Variants in ADAMTS6 observed in about 807,000 individuals in gnomAD.
The protein encoded by ADAMTS6 is A disintegrin and metalloproteinase with thrombospondin motifs 6.
ADAMTS6 carries 23 observed loss-of-function variants against 144.3 expected under a neutral mutation model. The ratio of observed to expected loss-of-function variants is 0.16; its 90% CI spans 0.11 to 0.23. The LOEUF is 0.23. Ranked by LOEUF, ADAMTS6 falls within the 10% of genes least tolerant of loss-of-function variation. ADAMTS6 has a pLI of 1.00. For synonymous variants in ADAMTS6, 444 were observed against 457.5 expected (o/e 0.97, Z 0.38); for missense variants, 999 against 1,379.6 (o/e 0.72, Z 4.37).
intron 7 of ADAMTS6, among the ~76,000 whole-genome samples, chr5:65,339,395 G>C (rs112418725): frequency 0.024 from 3,554 of 151,034 alleles, 72 homozygotes; most frequent in South Asian, 0.036. Flanking sequence ...AATTAGAAGA[G>C]GTAGCTTTTC....
intron 7 of ADAMTS6, among the ~76,000 whole-genome samples, chr5:65,340,246 T>A (rs968457864): frequency 5.3e-5 from 8 of 150,896 alleles, no homozygotes; most frequent in East Asian, 1.9e-4. Flanking sequence ...AAAAAAAAAA[T>A]ATGCCACCAA....
chr5:65,379,334 T>C (rs6870658), intron 7 of ADAMTS6, among the ~76,000 whole-genome samples: 4,822 of 152,282 alleles, frequency 0.032, 245 homozygotes, highest in African/African-American at 0.11. Flanking sequence ...CTTTGCTCCA[T>C]TTTTATAGTA....
intron 9 of ADAMTS6, among the ~76,000 whole-genome samples, chr5:65,304,481 G>A (rs1395232839): frequency 6.6e-6 from 1 of 152,176 alleles, no homozygotes; most frequent in Non-Finnish European, 1.5e-5. Context: ...CACCAAGGCT[G>A]GAGTGCAGTG....
rs527786911 is a variant in ADAMTS6 at position 65,403,620 on chromosome 5, G to A, written c.1073+47855C>T. Among the ~76,000 whole-genome samples the A allele has an allele frequency of 1.1e-4, 17 of 151,908 alleles. No homozygotes were observed. In the East Asian group the frequency reaches 3.3e-3, roughly 29 times the overall value. On this transcript the variant is annotated intron_variant, in intron 7 of 24. Transcript: ENST00000381055. ...ACAATAAATTTTGAAAAATCTGTTG[G>A]CATTCTATTCCAAGTACATATTTAG...
chr5:65,411,081 TC>T (rs1025408709), intron 7 of ADAMTS6, among the ~76,000 whole-genome samples: 2 of 152,122 alleles, frequency 1.3e-5, no homozygotes, highest in African/African-American at 4.8e-5. Flanking sequence ...CAAGTGATCC[TC>T]CCACCTCAGC....
intron 22 of ADAMTS6, among the ~76,000 whole-genome samples, chr5:65,173,254 C>T (rs1307044337): frequency 6.6e-6 from 1 of 152,156 alleles, no homozygotes; most frequent in African/African-American, 2.4e-5. Context: ...TTTTCTTGCT[C>T]TATTGGGGAT....
chr5:65,287,820 G>A (rs1221790598), intron 11 of ADAMTS6, among the ~76,000 whole-genome samples: 3 of 152,022 alleles, frequency 2.0e-5, no homozygotes, highest in East Asian at 3.9e-4. Flanking sequence ...GTGAGCCACC[G>A]TGCCTGGCCA....
rs144385011 is a variant in ADAMTS6, at chr5:65,435,805, T to C, written c.1073+15670A>G. On this transcript the variant is annotated intron_variant, in intron 7 of 24. Coordinates refer to ENST00000381055, the MANE Select transcript of ADAMTS6 (RefSeq NM_197941.4). ...CACCGTACACTAATTTTTGTATTTT[T>C]AGCAGAGATGGGATTTCACCATATT... Among the ~76,000 whole-genome samples, 1,042 of 152,098 alleles carry C rather than the reference T, an allele frequency of 6.9e-3. 6 individuals are homozygous for C. Among genetic ancestry groups the C allele is most frequent in the African/African-American group, 0.022 (924 of 41,480 alleles).
intron 24 of ADAMTS6, among the ~76,000 whole-genome samples, chr5:65,156,509 C>G (rs1333882799): frequency 1.3e-5 from 2 of 152,122 alleles, no homozygotes; most frequent in African/African-American, 4.8e-5. Flanking sequence ...TGATTTCTAG[C>G]TGATACTTAA....
chr5:65,439,766 T>G (rs940007207), intron 7 of ADAMTS6, among the ~76,000 whole-genome samples: 23 of 152,184 alleles, frequency 1.5e-4, no homozygotes, highest in Admixed American at 1.4e-3. Context: ...TATCTTGATT[T>G]TGACAACTGT....
At chr5:65,233,198 A>C (rs756892098) in intron 15 of ADAMTS6, among the ~76,000 whole-genome samples, 34 of 152,058 alleles carry the variant, frequency 2.2e-4, no homozygotes, top group Non-Finnish European at 3.7e-4. Context: ...CAACACAATA[A>C]ATGTCCCATA....
intron 7 of ADAMTS6, among the ~76,000 whole-genome samples, chr5:65,392,402 G>C (rs1358185739): frequency 6.6e-6 from 1 of 151,942 alleles, no homozygotes; most frequent in East Asian, 1.9e-4. Context: ...TCAACTCCAG[G>C]TCTCTCTATA....
intron 7 of ADAMTS6, among the ~76,000 whole-genome samples, chr5:65,389,846 T>C (rs1296528980): frequency 6.6e-6 from 1 of 152,224 alleles, no homozygotes; most frequent in African/African-American, 2.4e-5. Context: ...TAGCAATTAC[T>C]GCTTATGCAA....
chr5:65,231,727 G>A (rs1156663111), intron 15 of ADAMTS6, among the ~76,000 whole-genome samples: 2 of 152,078 alleles, frequency 1.3e-5, no homozygotes, highest in African/African-American at 2.4e-5. Flanking sequence ...AAGAAAACTG[G>A]AAAATTCACA....
intron 9 of ADAMTS6, among the ~76,000 whole-genome samples, chr5:65,319,153 C>T (rs1047803921): frequency 3.3e-5 from 5 of 151,932 alleles, no homozygotes; most frequent in African/African-American, 1.2e-4. Context: ...GAAGAAATCA[C>T]ACACGAAAAA....
In ADAMTS6 at chr5:65,151,358, A is replaced by C. The variant is rs1752131083; in HGVS notation, c.*478T>G. 1.3e-5 allele frequency: 2 copies of C among 153,436 alleles called. No individual in the cohort carries two copies. The highest frequency in any genetic ancestry group is 1.3e-4 in the Admixed American group (2 of 15,310). The allele number at this position is 153,436 out of a possible 1,614,324, so 9.5% of individuals were successfully genotyped here. On this transcript the variant is annotated 3_prime_UTR_variant, in exon 25 of 25. Transcript: ENST00000381055. ...TTTAAATTGTGGTGCTGTTGTAGTG[A>C]GATAAAGTACAGTAAATATTTTTAA... is the stretch of plus-strand genomic sequence containing the variant.
intron 7 of ADAMTS6, among the ~76,000 whole-genome samples, chr5:65,375,058 T>C (rs1751386509): frequency 6.6e-6 from 1 of 152,170 alleles, no homozygotes; most frequent in Admixed American, 6.5e-5. Context: ...GCTAGCCATA[T>C]GTAGAAAGCT....
chr5:65,155,228 CAT>C (rs1752342221), intron 24 of ADAMTS6, among the ~76,000 whole-genome samples: 2 of 152,116 alleles, frequency 1.3e-5, no homozygotes, highest in African/African-American at 2.4e-5. Flanking sequence ...ACAACATAAA[CAT>C]ATATTATATA....
intron 7 of ADAMTS6, among the ~76,000 whole-genome samples, chr5:65,396,860 G>C (rs1190253166): frequency 6.6e-6 from 1 of 152,134 alleles, no homozygotes; most frequent in African/African-American, 2.4e-5. Flanking sequence ...TCATAGGATG[G>C]GTTCAAAAGC....
Sources: gnomAD v4.1 joint callset for allele counts (sites outside exome capture counted in the v4.1 genomes callset) on GRCh38, gnomAD v4.1.1 for gene constraint, MANE v1.5 for transcripts, NCBI Gene and HGNC (gene_info 2026-07-23, HGNC 2026-07-21) for gene names.